CPS1: variants seen among roughly 807,000 people sequenced by gnomAD.
CPS1 encodes the protein carbamoyl-phosphate synthase [ammonia], mitochondrial.
Under a neutral mutation model 174.6 loss-of-function variants are expected in CPS1, and 109 were observed. The observed-to-expected ratio is 0.62, with a 90% confidence interval of 0.53 to 0.73. The LOEUF (loss-of-function observed/expected upper bound fraction) is 0.73. Ranked by LOEUF, CPS1 falls within the 30% of genes least tolerant of loss-of-function variation. CPS1 has a pLI of 0.00. For synonymous variants in CPS1, 637 were observed against 632.0 expected (o/e 1.01, Z -0.12); for missense variants, 1,689 against 1,821.9 (o/e 0.93, Z 1.33).
chr2:210,619,769 A>G (rs1445017123), intron 21 of CPS1: 1 of 152,122 alleles, frequency 6.6e-6, no homozygotes, highest in East Asian at 1.9e-4. Context: ...AAAGTCCGAT[A>G]AACACATTTA....
chr2:210,531,525 G>A (rs142979583), intron 1 of CPS1, among the ~76,000 whole-genome samples: 112 of 152,172 alleles, frequency 7.4e-4, no homozygotes, highest in African/African-American at 2.6e-3. Context: ...AAATTTGAGG[G>A]GGTTATGCCT....
At chr2:210,609,918 A>G (rs1699051452) in intron 19 of CPS1, among the ~76,000 whole-genome samples, 1 of 151,992 alleles carries the variant, frequency 6.6e-6, no homozygotes, top group South Asian at 2.1e-4. Context: ...TGAAAGGCAG[A>G]ATTATTTCTA....
chr2:210,636,709 G>A (rs949122240), intron 21 of CPS1, among the ~76,000 whole-genome samples: 5 of 152,036 alleles, frequency 3.3e-5, no homozygotes, highest in African/African-American at 1.2e-4. Flanking sequence ...AGCACAAGAA[G>A]TTCAGTGTGG....
chr2:210,538,774 A>C (rs1336406936), intron 1 of CPS1, among the ~76,000 whole-genome samples: 1 of 152,124 alleles, frequency 6.6e-6, no homozygotes, highest in Admixed American at 6.6e-5. Flanking sequence ...TTAGATGACC[A>C]ATTTTAGCTT....
intron 21 of CPS1, chr2:210,617,519 A>G (rs1275014958): frequency 3.3e-5 from 5 of 152,096 alleles, no homozygotes; most frequent in South Asian, 2.1e-4. Context: ...AGCAATTGCA[A>G]CATATACTTG....
At chr2:210,554,216 TAC>T (rs1390125486), upstream of CPS1, among the ~76,000 whole-genome samples, 2 of 122,930 alleles carry the variant, frequency 1.6e-5, no homozygotes, top group Admixed American at 8.3e-5. Context: ...TGTATATATA[TAC>T]ACACACATAT....
chr2:210,512,667 G>C (rs573608408), intron 1 of CPS1, among the ~76,000 whole-genome samples: 1 of 147,034 alleles, frequency 6.8e-6, no homozygotes, highest in Non-Finnish European at 1.5e-5. Flanking sequence ...CAATGAACAT[G>C]TGTATGCATG....
intron 13 of CPS1, among the ~76,000 whole-genome samples, chr2:210,598,055 T>A (rs753025927): frequency 6.6e-6 from 1 of 151,834 alleles, no homozygotes; most frequent in African/African-American, 2.4e-5. Flanking sequence ...CATTCAATGT[T>A]CTTCTTAGAC....
chr2:210,583,485 G>T (rs942688254), intron 6 of CPS1, among the ~76,000 whole-genome samples: 2 of 152,072 alleles, frequency 1.3e-5, no homozygotes, highest in Non-Finnish European at 2.9e-5. Flanking sequence ...TGGGATAGGT[G>T]GATCAGAGAA....
chr2:210,574,964 C>G (rs562426301), intron 2 of CPS1, among the ~76,000 whole-genome samples: 9 of 151,904 alleles, frequency 5.9e-5, no homozygotes, highest in Non-Finnish European at 8.8e-5. Context: ...TCATTCATTA[C>G]GTGCCTCACT....
chr2:210,513,015 T>C (rs377274617), intron 1 of CPS1, among the ~76,000 whole-genome samples: 1 of 16,352 alleles, frequency 6.1e-5, no homozygotes, highest in African/African-American at 1.4e-4. Flanking sequence ...TATATATATC[T>C]ATATATCTAT....
rs567981654 is a variant in CPS1 at position 210,602,355 on chromosome 2, C to G, written c.1836+25C>G. On this transcript the variant is annotated intron_variant, in intron 16 of 37. Transcript: ENST00000233072. ...GGTATGTATTTTTGTAGACAATATTCTTACCAACCAAAAAAACTGGCTTGA... is the reference window on the plus strand; with the variant it reads ...GGTATGTATTTTTGTAGACAATATTGTTACCAACCAAAAAAACTGGCTTGA... 17 of 1,611,986 alleles carry G rather than the reference C, an allele frequency of 1.1e-5. No homozygotes were observed. The South Asian group carries it at 1.8e-4, about 17-fold the overall frequency.
intron 1 of CPS1, among the ~76,000 whole-genome samples, chr2:210,571,855 T>TTGTGTGTGTG (rs71043997): frequency 3.6e-4 from 50 of 139,722 alleles, no homozygotes; most frequent in South Asian, 1.2e-3. Flanking sequence ...CTACTAAAGT[T>TTGTGTGTGTG]TGTGTGTGTG....
At chr2:210,478,496 T>TC (rs1694467703) in intron 1 of CPS1, among the ~76,000 whole-genome samples, 3 of 152,262 alleles carry the variant, frequency 2.0e-5, no homozygotes, top group Non-Finnish European at 2.9e-5. Context: ...TTTCTTTTTT[T>TC]CCCGTGTTTG....
chr2:210,533,465 C>A (rs1018989480), intron 1 of CPS1, among the ~76,000 whole-genome samples: 8 of 152,004 alleles, frequency 5.3e-5, no homozygotes, highest in African/African-American at 1.9e-4. Flanking sequence ...AACTGAGGTA[C>A]AAAGAGGGTA....
At chr2:210,584,094 A>G (rs1698020843) in intron 6 of CPS1, among the ~76,000 whole-genome samples, 1 of 152,100 alleles carries the variant, frequency 6.6e-6, no homozygotes, top group African/African-American at 2.4e-5. Context: ...TTTTTAAAGA[A>G]AAGTTTTTGA....
chr2:210,612,964 T>G (rs1699180312), intron 20 of CPS1, among the ~76,000 whole-genome samples: 1 of 152,012 alleles, frequency 6.6e-6, no homozygotes, highest in Admixed American at 6.6e-5. Flanking sequence ...TCTGATTTTA[T>G]AAAAGGTGAC....
intron 22 of CPS1, 151 bp from the exon 23 acceptor site, chr2:210,638,999 G>A: frequency 1.6e-6 from 1 of 644,780 alleles, no homozygotes; most frequent in Non-Finnish European, 2.8e-6. Flanking sequence ...TTCAGAATTA[G>A]AAAGCAATTC....
chr2:210,511,639 G>T (rs1695496536), intron 1 of CPS1, among the ~76,000 whole-genome samples: 3 of 152,186 alleles, frequency 2.0e-5, no homozygotes, highest in African/African-American at 7.2e-5. Context: ...CAAAGCTTAA[G>T]ACTCAGTGAT....
Sources: gnomAD v4.1 joint callset for allele counts (sites outside exome capture counted in the v4.1 genomes callset) on GRCh38, gnomAD v4.1.1 for gene constraint, MANE v1.5 for transcripts, NCBI Gene and HGNC (gene_info 2026-07-23, HGNC 2026-07-21) for gene names.